Variants in DCC observed in about 807,000 individuals in gnomAD.
The protein encoded by DCC is DCC netrin 1 receptor.
A neutral mutation model predicts 172.5 loss-of-function variants in DCC; 58 were observed. The ratio of observed to expected loss-of-function variants is 0.34; its 90% CI spans 0.27 to 0.42. The LOEUF (loss-of-function observed/expected upper bound fraction) is 0.42, where lower values mean the gene tolerates loss of function less well. DCC is among the 10% of genes least tolerant of loss of function. The probability of loss-of-function intolerance (pLI) is 1.00; values close to 1 mark genes in which losing one functional copy is unlikely to be tolerated. For missense variants in DCC, 1,740 were observed against 1,791.0 expected (o/e 0.97, Z 0.51); for synonymous variants, 709 against 644.5 (o/e 1.10, Z -1.52).
chr18:53,226,948 A>ATATTTTTTTTT, intron 12 of DCC, among the ~76,000 whole-genome samples: 776 of 52,870 alleles, frequency 0.015, 21 homozygotes, highest in Non-Finnish European at 0.026. Context: ...ATATATATAT[A>ATATTTTTTTTT]TTTTTTTTTT....
chr18:53,074,615 T>A (rs893099723), intron 7 of DCC, among the ~76,000 whole-genome samples: 13 of 151,884 alleles, frequency 8.6e-5, no homozygotes, highest in African/African-American at 2.9e-4. Context: ...AGTAATGTAT[T>A]TTTTTTTATT....
At position 53,319,407 on chromosome 18, in the gene DCC, G is replaced by A. The variant is rs187782810; in HGVS notation, c.2054-2640G>A. The stretch of plus-strand genomic sequence containing the variant: ...GACACACATAGGCTCAAAATAAAGG[G>A]CTGGAGGAATATTTACCGAGAAAAT... On this transcript the variant is annotated intron_variant, in intron 13 of 28. Coordinates refer to ENST00000442544, the MANE Select transcript of DCC (RefSeq NM_005215.4). 1.5e-3 allele frequency among the ~76,000 whole-genome samples: 235 copies of A among 152,082 alleles called. 2 individuals carry two copies. The highest frequency in any genetic ancestry group is 5.4e-3 in the African/African-American group (225 of 41,480).
chr18:53,127,963 T>G (rs1189238208), intron 7 of DCC, among the ~76,000 whole-genome samples: 1 of 152,164 alleles, frequency 6.6e-6, no homozygotes, highest in Non-Finnish European at 1.5e-5. Context: ...TAAGTATTTA[T>G]AAACAACAGA....
chr18:52,884,126 G>A (rs1053210802), intron 2 of DCC, among the ~76,000 whole-genome samples: 1 of 151,672 alleles, frequency 6.6e-6, no homozygotes, highest in African/African-American at 2.4e-5. Flanking sequence ...CTGCTTTTAT[G>A]ATCCTTTCTT....
chr18:52,524,735 A>T (rs1262725040), intron 1 of DCC, among the ~76,000 whole-genome samples: 1 of 152,188 alleles, frequency 6.6e-6, no homozygotes, highest in East Asian at 1.9e-4. Flanking sequence ...GTTCATCCTT[A>T]TTAACAACTT....
chr18:53,402,951 C>A, intron 19 of DCC, 58 bp downstream of exon 19: 1 of 1,234,838 alleles, frequency 8.1e-7, no homozygotes, highest in Non-Finnish European at 1.2e-6. Context: ...AATTGCTTAC[C>A]CCCTACATGA....
intron 9 of DCC, among the ~76,000 whole-genome samples, chr18:53,190,528 C>A (rs552479225): frequency 6.7e-6 from 1 of 149,564 alleles, no homozygotes; most frequent in Non-Finnish European, 1.5e-5. Flanking sequence ...TAGCCATGAT[C>A]GTTTCAGGAA....
intron 7 of DCC, among the ~76,000 whole-genome samples, chr18:53,077,295 G>A (rs535224048): frequency 7.9e-5 from 12 of 152,142 alleles, no homozygotes; most frequent in African/African-American, 2.6e-4. Flanking sequence ...CCTTGGGAAA[G>A]GTTCTCTTTA....
intron 2 of DCC, among the ~76,000 whole-genome samples, chr18:52,875,550 T>A (rs958061484): frequency 6.6e-6 from 1 of 152,210 alleles, no homozygotes; most frequent in African/African-American, 2.4e-5. Flanking sequence ...CAACTGTTGA[T>A]ACAAACTAAA....
chr18:53,066,020 C>T (rs371743674), intron 6 of DCC, 26 bp from the exon 7 acceptor site: 7 of 1,611,472 alleles, frequency 4.3e-6, no homozygotes, highest in South Asian at 1.1e-5. Context: ...TTCTAAAATA[C>T]TTTACCTGCT....
intron 7 of DCC, among the ~76,000 whole-genome samples, chr18:53,086,081 C>T (rs1404207661): frequency 0.17 from 42 of 254 alleles, 17 homozygotes; most frequent in Non-Finnish European, 0.27. Context: ...TCCTCCTCCT[C>T]CTCCTCCTCC....
intron 1 of DCC, among the ~76,000 whole-genome samples, chr18:52,704,442 T>G (rs2036173811): frequency 6.6e-6 from 1 of 152,226 alleles, no homozygotes. Flanking sequence ...CATGGTAATT[T>G]TTTAAAGAAA....
intron 15 of DCC, among the ~76,000 whole-genome samples, chr18:53,357,221 A>G (rs1269530885): frequency 2.0e-5 from 3 of 152,136 alleles, no homozygotes; most frequent in African/African-American, 4.8e-5. Context: ...TTCTGCCACA[A>G]ATCTCATCAA....
intron 5 of DCC, among the ~76,000 whole-genome samples, chr18:53,015,227 A>T (rs2041791679): frequency 6.6e-6 from 1 of 151,566 alleles, no homozygotes; most frequent in African/African-American, 2.4e-5. Flanking sequence ...AAAATTATTT[A>T]TAGCAAGTTT....
intron 1 of DCC, among the ~76,000 whole-genome samples, chr18:52,736,520 T>G (rs1368277316): frequency 6.6e-6 from 1 of 152,116 alleles, no homozygotes; most frequent in Non-Finnish European, 1.5e-5. Context: ...AGGGCACATT[T>G]TTCATACTGT....
At chr18:52,528,635 T>C (rs1289740211) in intron 1 of DCC, among the ~76,000 whole-genome samples, 2 of 151,954 alleles carry the variant, frequency 1.3e-5, no homozygotes, top group Non-Finnish European at 2.9e-5. Flanking sequence ...GCAGGGCTGA[T>C]CCTCACCCTA....
At chr18:53,271,089 C>T (rs1327875621) in intron 12 of DCC, among the ~76,000 whole-genome samples, 1 of 152,158 alleles carries the variant, frequency 6.6e-6, no homozygotes, top group Non-Finnish European at 1.5e-5. Flanking sequence ...CTACTCACCA[C>T]TGTGCTATGC....
chr18:52,575,103 G>A (rs1191938747), intron 1 of DCC, among the ~76,000 whole-genome samples: 2 of 152,096 alleles, frequency 1.3e-5, no homozygotes, highest in Non-Finnish European at 2.9e-5. Flanking sequence ...GCCCATTTAT[G>A]TTATTACTTT....
At chr18:53,093,311 A>G (rs895843050) in intron 7 of DCC, among the ~76,000 whole-genome samples, 2 of 152,184 alleles carry the variant, frequency 1.3e-5, no homozygotes, top group African/African-American at 4.8e-5. Context: ...AAATAATAAA[A>G]TGTGCTTACA....
Sources: allele counts gnomAD v4.1 joint callset (sites outside exome capture counted in the v4.1 genomes callset), GRCh38; gene constraint gnomAD v4.1.1; transcripts MANE v1.5; gene names NCBI Gene and HGNC (gene_info 2026-07-23, HGNC 2026-07-21).